ASF1B: variants seen among roughly 807,000 people sequenced by gnomAD.
ASF1B encodes the protein histone chaperone ASF1B.
ASF1B carries 10 observed loss-of-function variants against 16.6 expected under a neutral mutation model. The observed-to-expected ratio is 0.60, with a 90% confidence interval of 0.37 to 1.02. ASF1B has a LOEUF of 1.02. ASF1B is among the 50% of genes least tolerant of loss of function. ASF1B has a pLI of 0.01. For missense variants in ASF1B, 240 were observed against 266.0 expected, an observed-to-expected ratio of 0.90 and a Z score of 0.68; for synonymous variants, 101 against 106.2, an observed-to-expected ratio of 0.95 and a Z score of 0.30.
At chr19:14,132,948 G>A (rs571560225) in intron 1 of ASF1B, among the ~76,000 whole-genome samples, 51 of 151,816 alleles carry the variant, frequency 3.4e-4, no homozygotes, top group Admixed American at 1.8e-3. Flanking sequence ...GTGAAACCCC[G>A]TCTCTACTAA....
At chr19:14,124,057 G>A (rs1967282632) in intron 2 of ASF1B, among the ~76,000 whole-genome samples, 1 of 152,046 alleles carries the variant, frequency 6.6e-6, no homozygotes, top group Non-Finnish European at 1.5e-5. Context: ...CTCCCAAAGT[G>A]TTGAGATTAC....
Position 14,134,637 on chromosome 19 carries a change from T to C in ASF1B, c.109+1711A>G, listed in dbSNP as rs536515138. 9.7e-4 allele frequency among the ~76,000 whole-genome samples: 147 copies of C among 152,248 alleles called. 1 individual carries two copies. The highest frequency in any genetic ancestry group is 1.5e-3 in the Non-Finnish European group (102 of 68,016). ...GGTGCCAAGGCTCCCTAGGTGACCT[T>C]AGATTTTGGATTTGTACAGGCCTTG... is the stretch of plus-strand genomic sequence containing the variant. On this transcript the variant is annotated intron_variant, in intron 1 of 3. Coordinates refer to ENST00000263382, the MANE Select transcript of ASF1B (RefSeq NM_018154.3).
Position 14,135,812 on chromosome 19 carries a change from TGTGA to T in ASF1B, c.109+532_109+535del, listed in dbSNP as rs113387734. Among the ~76,000 whole-genome samples the T allele has an allele frequency of 9.5e-3, 1,425 of 150,332 alleles. 24 individuals are homozygous for T. Among genetic ancestry groups the T allele is most frequent in the African/African-American group, 0.033 (1,355 of 40,752 alleles). On this transcript the variant is annotated intron_variant, in intron 1 of 3. Transcript: ENST00000263382. ...GGGTCTCCAGAGGGAAAATGGGAGGTGTGAGTATCTCACTACAGGAAAGAGGGAA... is the reference window on the plus strand; with the variant it reads ...GGGTCTCCAGAGGGAAAATGGGAGGTGTATCTCACTACAGGAAAGAGGGAA...
chr19:14,131,376 T>A (rs781635574), intron 1 of ASF1B, among the ~76,000 whole-genome samples: 2 of 150,740 alleles, frequency 1.3e-5, no homozygotes, highest in Non-Finnish European at 2.9e-5. Flanking sequence ...AGAGCCGGGG[T>A]TTCACCACGT....
At chr19:14,129,591 C>T (rs1251656242) in intron 1 of ASF1B, among the ~76,000 whole-genome samples, 1 of 132,318 alleles carries the variant, frequency 7.6e-6, no homozygotes, top group African/African-American at 2.8e-5. Flanking sequence ...GGCATAAGAA[C>T]TGCTTGAACC....
intron 1 of ASF1B, among the ~76,000 whole-genome samples, chr19:14,132,336 G>C (rs1967418757): frequency 6.6e-6 from 1 of 152,110 alleles, no homozygotes; most frequent in South Asian, 2.1e-4. Flanking sequence ...CTGGGTTGGG[G>C]GTTTTGTCAG....
intron 2 of ASF1B, among the ~76,000 whole-genome samples, chr19:14,122,189 C>T (rs780270839): frequency 5.3e-5 from 8 of 152,098 alleles, no homozygotes; most frequent in Admixed American, 3.3e-4. Context: ...TCTTGGACTC[C>T]TAAAGTGTTG....
At chr19:14,127,434 G>A (rs1049257492) in intron 1 of ASF1B, among the ~76,000 whole-genome samples, 3 of 152,150 alleles carry the variant, frequency 2.0e-5, no homozygotes, top group East Asian at 1.9e-4. Context: ...CACAGGGACC[G>A]GTGCCACTCA....
Position 14,127,490 on chromosome 19 carries a change from T to G in ASF1B, c.110-1253A>C, listed in dbSNP as rs980802531. On this transcript the variant is annotated intron_variant, in intron 1 of 3. Coordinates refer to ENST00000263382, the MANE Select transcript of ASF1B (RefSeq NM_018154.3). ...ACTGGGGCAGGGTGGCAGATTCCAATCCGGCAGGAGAGCCAGCCTGCAGGA... is the reference window on the plus strand; with the variant it reads ...ACTGGGGCAGGGTGGCAGATTCCAAGCCGGCAGGAGAGCCAGCCTGCAGGA... Among the ~76,000 whole-genome samples the G allele has an allele frequency of 2.6e-5, 4 of 152,110 alleles. No homozygotes were observed. In the South Asian group the frequency reaches 8.3e-4, roughly 32 times the overall value.
At chr19:14,136,273 G>A in intron 1 of ASF1B, 75 bp downstream of exon 1, 1 of 1,284,754 alleles carries the variant, frequency 7.8e-7, no homozygotes, top group Non-Finnish European at 1.1e-6. Flanking sequence ...GATCAAGTTG[G>A]CCATGGGAGC....
intron 3 of ASF1B, chr19:14,121,279 T>A: frequency 3.1e-6 from 1 of 322,290 alleles, no homozygotes; most frequent in Non-Finnish European, 5.7e-6. Flanking sequence ...TGGCTCATTT[T>A]TTTTTTTTTT....
intron 1 of ASF1B, among the ~76,000 whole-genome samples, chr19:14,135,083 G>GCAC (rs1967466974): frequency 6.6e-6 from 1 of 151,978 alleles, no homozygotes; most frequent in South Asian, 2.1e-4. Context: ...AATTAGCTGG[G>GCAC]CGTGGTGACA....
chr19:14,134,155 T>C (rs957955443), intron 1 of ASF1B, among the ~76,000 whole-genome samples: 1 of 152,118 alleles, frequency 6.6e-6, no homozygotes, highest in Non-Finnish European at 1.5e-5. Flanking sequence ...AAACCTGATC[T>C]CCTGCCGTCG....
At chr19:14,130,420 G>C (rs1333050747) in intron 1 of ASF1B, among the ~76,000 whole-genome samples, 1 of 151,418 alleles carries the variant, frequency 6.6e-6, no homozygotes, top group Non-Finnish European at 1.5e-5. Context: ...TGTGGTTCCA[G>C]CTACTTAGGA....
chr19:14,131,189 CTT>C (rs917061483), intron 1 of ASF1B, among the ~76,000 whole-genome samples: 7 of 117,636 alleles, frequency 6.0e-5, no homozygotes, highest in Admixed American at 8.6e-5. Flanking sequence ...TTTTTTTTTT[CTT>C]TTTTTTTTTT....
In ASF1B at chr19:14,119,605, T is replaced by C. The variant is rs1967202756; in HGVS notation, c.*854A>G. ...AACAGCAATCACAACAGCATCCACA[T>C]GGCAGCAAGGGGACCAGGGCACAGA... On this transcript the variant is annotated 3_prime_UTR_variant, in exon 4 of 4. Coordinates refer to ENST00000263382, the MANE Select transcript of ASF1B (RefSeq NM_018154.3). The C allele has an allele frequency of 6.6e-6, 1 of 152,656 alleles. No individual in the cohort carries two copies. Among genetic ancestry groups the C allele is most frequent in the Admixed American group, 6.5e-5 (1 of 15,272 alleles). The allele number at this position is 152,656 out of a possible 1,614,324, so 9.5% of individuals were successfully genotyped here.
At position 14,126,212 on chromosome 19, in the gene ASF1B, A is replaced by G. The variant is rs1967315886; in HGVS notation, c.135T>C (p.Val45=). The change falls in exon 2 of 4, where the codon GTT becomes GTC. Residue 45 remains valine, a synonymous_variant. Coordinates refer to ENST00000263382, the MANE Select transcript of ASF1B (RefSeq NM_018154.3). ...ADDLEWKIIY[V]GSAESEEFDQ... ...CAAATTCCTCACTCTCAGCCGAGCCAACATAAATGATCTTCCACTCCAGGT... is the reference window on the plus strand; with the variant it reads ...CAAATTCCTCACTCTCAGCCGAGCCGACATAAATGATCTTCCACTCCAGGT... 3 of 1,613,286 alleles carry G rather than the reference A, an allele frequency of 1.9e-6. No homozygotes were observed. The highest frequency in any genetic ancestry group is 2.5e-6 in the Non-Finnish European group (3 of 1,179,994).
intron 1 of ASF1B, among the ~76,000 whole-genome samples, chr19:14,133,529 G>T (rs949857807): frequency 6.6e-6 from 1 of 151,924 alleles, no homozygotes; most frequent in South Asian, 2.1e-4. Flanking sequence ...TTAGCCAGGC[G>T]TCATAGCAGG....
Position 14,120,142 on chromosome 19 carries a change from G to A in ASF1B, c.*317C>T, listed in dbSNP as rs896505880. 1 of 281,080 alleles carries A rather than the reference G, an allele frequency of 3.6e-6. No homozygotes were observed. The highest frequency in any genetic ancestry group is 6.7e-6 in the Non-Finnish European group (1 of 149,368). 17.4% of individuals were successfully genotyped at this position (281,080 alleles called of 1,614,324 possible). ...TCTAGGTGGGCCAGGGAGGTCTGTG[G>A]GAAAGCTTTGGATCAATGGTACTCA... On this transcript the variant is annotated 3_prime_UTR_variant, in exon 4 of 4. Transcript: ENST00000263382.
Sources: allele counts gnomAD v4.1 joint callset (sites outside exome capture counted in the v4.1 genomes callset), GRCh38; gene constraint gnomAD v4.1.1; transcripts MANE v1.5; gene names NCBI Gene and HGNC (gene_info 2026-07-23, HGNC 2026-07-21).